STX1B: variants seen among roughly 807,000 people sequenced by gnomAD.
STX1B encodes syntaxin 1B.
STX1B carries 7 observed loss-of-function variants against 39.4 expected under a neutral mutation model. That is an observed-to-expected ratio of 0.18 (90% CI 0.10 to 0.33). STX1B has a LOEUF of 0.33. STX1B is among the 10% of genes least tolerant of loss of function. The pLI, the probability that STX1B is intolerant of heterozygous loss-of-function variation, is 1.00. For missense variants in STX1B, 198 were observed against 383.2 expected (o/e 0.52, Z 4.04); for synonymous variants, 136 against 144.1 (o/e 0.94, Z 0.40).
At chr16:30,994,751 TCC>T (rs1370117117) in intron 7 of STX1B, among the ~76,000 whole-genome samples, 1 of 152,020 alleles carries the variant, frequency 6.6e-6, no homozygotes, top group African/African-American at 2.4e-5. Context: ...CTGCCATGGC[TCC>T]CCACTACCCA....
chr16:30,992,531 A>T lies in STX1B; in HGVS notation c.*290T>A. The T allele has an allele frequency of 2.9e-6, 1 of 349,640 alleles. No homozygotes were observed. Among genetic ancestry groups the T allele is most frequent in the Non-Finnish European group, 5.3e-6 (1 of 187,806 alleles). The allele number at this position is 349,640 out of a possible 1,614,324, so 21.7% of individuals were successfully genotyped here. A position where few individuals can be genotyped will look rare whatever the true frequency, so the allele number is the denominator to read the frequency against. The stretch of plus-strand genomic sequence containing the variant: ...GAGGGGGTGCTCTGGTGCATCACAC[A>T]CATCACACGCACACGCACGCTGGGG... On this transcript the variant is annotated 3_prime_UTR_variant, in exon 10 of 10. Coordinates refer to ENST00000215095, the MANE Select transcript of STX1B (RefSeq NM_052874.5).
chr16:31,006,614 G>C (rs1002574996), intron 1 of STX1B, among the ~76,000 whole-genome samples: 1 of 152,150 alleles, frequency 6.6e-6, no homozygotes, highest in African/African-American at 2.4e-5. Context: ...ATGGGAATTG[G>C]GGGGGATTGT....
Position 31,001,312 on chromosome 16 carries a change from G to A in STX1B, c.106-119C>T. 1 of 999,884 alleles carries A rather than the reference G, an allele frequency of 1.0e-6. No individual in the cohort carries two copies. Among genetic ancestry groups the A allele is most frequent in the Non-Finnish European group, 1.5e-6 (1 of 655,734 alleles). The allele number at this position is 999,884 out of a possible 1,614,324, so 61.9% of individuals were successfully genotyped here. A position where few individuals can be genotyped will look rare whatever the true frequency, so the allele number is the denominator to read the frequency against. On this transcript the variant is annotated intron_variant, in intron 2 of 9. Transcript: ENST00000215095. This position sits in a 1 kb window ranked among gnomAD's most constrained non-coding sequence, Gnocchi z 5.5. Reference sequence around the variant, plus strand: ...CCAGAACGGCTGATAAAAGGCCAGGGAGGGTGCAGGAGCAGGGAAGTGGGG... The same window carrying A: ...CCAGAACGGCTGATAAAAGGCCAGGAAGGGTGCAGGAGCAGGGAAGTGGGG...
Position 30,993,119 on chromosome 16 carries a change from G to A in STX1B, c.786+11C>T, listed in dbSNP as rs761737185. On this transcript the variant is annotated intron_variant, in intron 9 of 9. Coordinates refer to ENST00000215095, the MANE Select transcript of STX1B (RefSeq NM_052874.5). ...TCCCCCGCCTACCCCCAGGCCGCCTGCCCCGCTCACCCTCCGGGCCTTGCT... is the reference window on the plus strand; with the variant it reads ...TCCCCCGCCTACCCCCAGGCCGCCTACCCCGCTCACCCTCCGGGCCTTGCT... 6.2e-7 allele frequency: 1 copy of A among 1,613,158 alleles called. No individual in the cohort carries two copies. The highest frequency in any genetic ancestry group is 8.5e-7 in the Non-Finnish European group (1 of 1,179,122).
Position 30,989,559 on chromosome 16 carries a change from G to T in STX1B, c.*3262C>A, listed in dbSNP as rs2056536816. 1.3e-5 allele frequency: 2 copies of T among 152,494 alleles called. No individual in the cohort carries two copies. The highest frequency in any genetic ancestry group is 1.9e-4 in the East Asian group (1 of 5,166). 9.4% of individuals were successfully genotyped at this position (152,494 alleles called of 1,614,324 possible). ...AGAAACCAACGGAGAAACAGAGAAG[G>T]GGGCAGGGGCTCATGTCAGCAAACA... On this transcript the variant is annotated 3_prime_UTR_variant, in exon 10 of 10. Transcript: ENST00000215095.
chr16:31,009,643 G>A (rs565474578), intron 1 of STX1B, among the ~76,000 whole-genome samples: 133 of 151,884 alleles, frequency 8.8e-4, no homozygotes, highest in African/African-American at 3.0e-3. Flanking sequence ...TCTTGGAGCC[G>A]GGCCTCTTCA....
chr16:31,006,104 T>A (rs892387105), intron 1 of STX1B, among the ~76,000 whole-genome samples: 4 of 151,714 alleles, frequency 2.6e-5, no homozygotes, highest in Non-Finnish European at 5.9e-5. Flanking sequence ...TCAGAGAGAG[T>A]GTGCGTGTGT....
Position 30,994,892 on chromosome 16 carries a change from C to CTTTTTTTTTTTTTTTTTTTTTT in STX1B, c.538-1409_538-1408insAAAAAAAAAAAAAAAAAAAAAA, listed in dbSNP as rs10524041. On this transcript the variant is annotated intron_variant, in intron 7 of 9. Transcript: ENST00000215095. The stretch of plus-strand genomic sequence containing the variant: ...TTTGGACAGTGTTCAGTCTCCCCGT[C>CTTTTTTTTTTTTTTTTTTTTTT]TTTTTTTTTTTTTTTTTTTTGGTTT... 1.9e-4 allele frequency among the ~76,000 whole-genome samples: 19 copies of CTTTTTTTTTTTTTTTTTTTTTT among 99,806 alleles called. 1 individual carries two copies. The highest frequency in any genetic ancestry group is 5.4e-4 in the East Asian group (1 of 1,856). The allele number at this position is 99,806 out of a possible 152,430, so 65.5% of individuals were successfully genotyped here.
At chr16:31,006,669 T>C (rs1429144548) in intron 1 of STX1B, among the ~76,000 whole-genome samples, 2 of 151,656 alleles carry the variant, frequency 1.3e-5, no homozygotes, top group African/African-American at 4.8e-5. Context: ...TCTGGGGAGG[T>C]GACATCTGAG....
chr16:31,003,384 T>C (rs1050729023), intron 1 of STX1B, among the ~76,000 whole-genome samples: 1 of 152,156 alleles, frequency 6.6e-6, no homozygotes, highest in Non-Finnish European at 1.5e-5. Flanking sequence ...TGGGCTCACC[T>C]CTGAGGACCC....
intron 4 of STX1B, 126 bp from the exon 5 acceptor site, chr16:30,997,701 G>T: frequency 2.3e-6 from 2 of 879,554 alleles, no homozygotes; most frequent in African/African-American, 1.7e-5. Context: ...TCCCCAGGGC[G>T]AGTTGCGGGC....
rs55969374 is a variant in STX1B at position 30,991,511 on chromosome 16, C to CAT, written c.*1309_*1310insAT. 0.96 allele frequency: 145,440 copies of CAT among 151,388 alleles called. 70,051 individuals carry two copies. The highest frequency in any genetic ancestry group is 0.99 in the Non-Finnish European group (67,177 of 67,540). The allele number at this position is 151,388 out of a possible 1,614,324, so 9.4% of individuals were successfully genotyped here. A position where few individuals can be genotyped will look rare whatever the true frequency, so the allele number is the denominator to read the frequency against. ...GTCCTTAGAAGTGTGTGTGCACGCA[C>CAT]GTGTGTGTGTGTGTGTGTAATACGC... On this transcript the variant is annotated 3_prime_UTR_variant, in exon 10 of 10. Transcript: ENST00000215095.
At chr16:30,995,029 A>G (rs2056584929) in intron 7 of STX1B, among the ~76,000 whole-genome samples, 1 of 151,114 alleles carries the variant, frequency 6.6e-6, no homozygotes, top group Non-Finnish European at 1.5e-5. Flanking sequence ...CTTCCACCTT[A>G]GCCTCCCGAG....
rs901203544 is a variant in STX1B, at chr16:31,001,506, T to C, written c.105+23A>G. 6 of 1,559,034 alleles carry C rather than the reference T, an allele frequency of 3.8e-6. No individual in the cohort carries two copies. The highest frequency in any genetic ancestry group is 4.4e-6 in the Non-Finnish European group (5 of 1,143,378). ...TGGGTGCTGGGGCTGGGGCTGGGGCTGGGGGCCTTGGAGGCCCATTACCTG... is the reference window on the plus strand; with the variant it reads ...TGGGTGCTGGGGCTGGGGCTGGGGCCGGGGGCCTTGGAGGCCCATTACCTG... On this transcript the variant is annotated intron_variant, in intron 2 of 9. Coordinates refer to ENST00000215095, the MANE Select transcript of STX1B (RefSeq NM_052874.5). The surrounding 1 kb of genome is among the most constrained non-coding windows in gnomAD (Gnocchi z 5.5).
chr16:30,992,699 G>GGAGGAGGGGTA lies in STX1B; in HGVS notation c.*121_*122insTACCCCTCCTC, dbSNP rs1362603097. ...GGACACCAGGGTCTGCCGTGGGGGT[G>GGAGGAGGGGTA]GGGCTGCCTGGGTCTGTTTTGGGAG... is the stretch of plus-strand genomic sequence containing the variant. On this transcript the variant is annotated 3_prime_UTR_variant, in exon 10 of 10. Coordinates refer to ENST00000215095, the MANE Select transcript of STX1B (RefSeq NM_052874.5). The GGAGGAGGGGTA allele has an allele frequency of 7.9e-6, 5 of 636,254 alleles. No individual in the cohort carries two copies. The highest frequency in any genetic ancestry group is 1.9e-5 in the South Asian group (1 of 53,144). The allele number at this position is 636,254 out of a possible 1,614,324, so 39.4% of individuals were successfully genotyped here. A position where few individuals can be genotyped will look rare whatever the true frequency, so the allele number is the denominator to read the frequency against.
chr16:31,008,946 A>G (rs2056667577), intron 1 of STX1B, among the ~76,000 whole-genome samples: 1 of 152,170 alleles, frequency 6.6e-6, no homozygotes, highest in South Asian at 2.1e-4. Context: ...AATATGCATA[A>G]AACACTTCAA....
In STX1B at chr16:30,993,256, A is replaced by G; in HGVS notation, c.676-16T>C. ...TCATCTCTCCCTGCAGACAGAGGAG[A>G]CATGCACAGGGAGGGATGGGGGCTG... On this transcript the variant is annotated splice_polypyrimidine_tract_variant and intron_variant, in intron 8 of 9. Coordinates refer to ENST00000215095, the MANE Select transcript of STX1B (RefSeq NM_052874.5). The G allele has an allele frequency of 2.5e-6, 4 of 1,613,868 alleles. No individual in the cohort carries two copies. The highest frequency in any genetic ancestry group is 3.4e-6 in the Non-Finnish European group (4 of 1,179,766).
intron 1 of STX1B, among the ~76,000 whole-genome samples, chr16:31,007,810 T>G (rs2056662273): frequency 6.6e-6 from 1 of 152,168 alleles, no homozygotes; most frequent in Admixed American, 6.5e-5. Flanking sequence ...GGCCCCCTCC[T>G]AGGCACCTGA....
At chr16:30,997,614 G>T (rs1386329657) in intron 4 of STX1B, 39 bp from the exon 5 acceptor site, 1 of 1,563,934 alleles carries the variant, frequency 6.4e-7, no homozygotes, top group African/African-American at 1.3e-5. Flanking sequence ...GGGAGACCCG[G>T]GGCACATGGG....
Sources: gnomAD v4.1 joint callset for allele counts (sites outside exome capture counted in the v4.1 genomes callset) on GRCh38, gnomAD v4.1.1 for gene constraint, Gnocchi (gnomAD v3.1) non-coding constraint, MANE v1.5 for transcripts, NCBI Gene and HGNC (gene_info 2026-07-23, HGNC 2026-07-21) for gene names.